CDH12: variants seen among roughly 807,000 people sequenced by gnomAD.
CDH12 encodes cadherin 12.
Under a neutral mutation model 74.1 loss-of-function variants are expected in CDH12, and 41 were observed. The observed-to-expected ratio is 0.55, with a 90% confidence interval of 0.43 to 0.72. CDH12 has a LOEUF of 0.72. CDH12 is among the 30% of genes least tolerant of loss of function. The probability of loss-of-function intolerance (pLI) is 0.00; values close to 1 mark genes in which losing one functional copy is unlikely to be tolerated. For missense variants in CDH12, 945 were observed against 977.2 expected (o/e 0.97, Z 0.44); for synonymous variants, 399 against 355.0 (o/e 1.12, Z -1.39).
chr5:22,246,385 A>G (rs1489775146), intron 3 of CDH12, among the ~76,000 whole-genome samples: 1 of 152,146 alleles, frequency 6.6e-6, no homozygotes, highest in Non-Finnish European at 1.5e-5. Context: ...AGTCACAAAA[A>G]TTTCAAATAT....
chr5:22,393,265 C>T (rs73058168), intron 3 of CDH12, among the ~76,000 whole-genome samples: 2 of 151,906 alleles, frequency 1.3e-5, no homozygotes, highest in Admixed American at 6.6e-5. Flanking sequence ...AAAAAGGAAA[C>T]GTTAGAGTGA....
intron 1 of CDH12, among the ~76,000 whole-genome samples, chr5:22,819,244 G>A (rs1749546387): frequency 6.6e-6 from 1 of 152,044 alleles, no homozygotes; most frequent in Admixed American, 6.6e-5. Context: ...AAGTGATCCT[G>A]CTCAAGATGA....
chr5:22,753,881 T>C (rs1228446166), intron 1 of CDH12, among the ~76,000 whole-genome samples: 1 of 152,014 alleles, frequency 6.6e-6, no homozygotes, highest in East Asian at 1.9e-4. Context: ...ACCAAAGAAA[T>C]AAAAATCCCT....
chr5:22,496,870 C>G (rs1747124540), intron 2 of CDH12, among the ~76,000 whole-genome samples: 1 of 152,096 alleles, frequency 6.6e-6, no homozygotes, highest in Non-Finnish European at 1.5e-5. Flanking sequence ...GCCCCCGAGC[C>G]TAGTTCTTGG....
At chr5:22,273,317 T>C (rs1736488708) in intron 3 of CDH12, among the ~76,000 whole-genome samples, 1 of 152,162 alleles carries the variant, frequency 6.6e-6, no homozygotes, top group Non-Finnish European at 1.5e-5. Flanking sequence ...AATGAGCCCA[T>C]GATGTTGGAA....
At chr5:22,189,677 C>G (rs907135190) in intron 4 of CDH12, among the ~76,000 whole-genome samples, 12 of 152,170 alleles carry the variant, frequency 7.9e-5, no homozygotes, top group African/African-American at 2.9e-4. Flanking sequence ...AAATTTGCAG[C>G]TAGCCCATTT....
chr5:21,978,833 TATA>T (rs1442277105), intron 5 of CDH12, among the ~76,000 whole-genome samples: 2 of 152,158 alleles, frequency 1.3e-5, no homozygotes, highest in African/African-American at 4.8e-5. Context: ...AGACTAAAGC[TATA>T]ATAATTTTTA....
intron 4 of CDH12, among the ~76,000 whole-genome samples, chr5:22,124,658 ATTAAT>A (rs1289364782): frequency 6.6e-6 from 1 of 152,114 alleles, no homozygotes; most frequent in Non-Finnish European, 1.5e-5. Context: ...ACATTTATTT[ATTAAT>A]TTATTTCAGT....
intron 8 of CDH12, among the ~76,000 whole-genome samples, chr5:21,817,819 GAAA>G (rs1748147298): frequency 3.1e-5 from 1 of 32,162 alleles, no homozygotes; most frequent in East Asian, 5.9e-4. Flanking sequence ...ATAGCATTAA[GAAA>G]GAAAAAAAAG....
intron 1 of CDH12, among the ~76,000 whole-genome samples, chr5:22,689,340 G>A (rs903617106): frequency 4.6e-5 from 7 of 152,070 alleles, no homozygotes; most frequent in South Asian, 2.1e-4. Flanking sequence ...CAGTAGAAAC[G>A]TGTATGCCAC....
At chr5:22,305,216 CAGG>C (rs1273392597) in intron 3 of CDH12, among the ~76,000 whole-genome samples, 2 of 152,138 alleles carry the variant, frequency 1.3e-5, no homozygotes, top group Admixed American at 1.3e-4. Context: ...CTTCCATCTG[CAGG>C]AGATAATCAT....
intron 2 of CDH12, among the ~76,000 whole-genome samples, chr5:22,420,002 TG>T (rs1345559135): frequency 2.0e-5 from 3 of 150,838 alleles, no homozygotes; most frequent in African/African-American, 4.9e-5. Context: ...GGTTTTTTTT[TG>T]TTTGTTTGTT....
At chr5:21,855,731 C>A (rs1344539393) in intron 6 of CDH12, among the ~76,000 whole-genome samples, 1 of 151,568 alleles carries the variant, frequency 6.6e-6, no homozygotes, top group African/African-American at 2.4e-5. Flanking sequence ...TGGAGGCACT[C>A]AAAGTAACTA....
At chr5:22,461,708 C>T (rs997165261) in intron 2 of CDH12, among the ~76,000 whole-genome samples, 1 of 151,524 alleles carries the variant, frequency 6.6e-6, no homozygotes, top group Admixed American at 6.6e-5. Flanking sequence ...ATTTACTTTG[C>T]CTCCAATTAT....
chr5:22,843,125 G>A (rs1294582489), intron 1 of CDH12, among the ~76,000 whole-genome samples: 1 of 151,942 alleles, frequency 6.6e-6, no homozygotes, highest in African/African-American at 2.4e-5. Context: ...ATATATCTTG[G>A]TGCTGCGTTA....
chr5:21,868,910 G>A (rs1172883701), intron 6 of CDH12, among the ~76,000 whole-genome samples: 1 of 152,124 alleles, frequency 6.6e-6, no homozygotes, highest in Admixed American at 6.5e-5. Flanking sequence ...GGCCAGGGTG[G>A]ATTATTGGCA....
intron 1 of CDH12, among the ~76,000 whole-genome samples, chr5:22,654,723 C>T (rs562489451): frequency 1.3e-5 from 2 of 151,966 alleles, no homozygotes; most frequent in Admixed American, 6.6e-5. Context: ...GCAACCCCTG[C>T]GTCCGGGTTC....
intron 5 of CDH12, among the ~76,000 whole-genome samples, chr5:22,005,448 A>G (rs983852658): frequency 6.6e-6 from 1 of 152,152 alleles, no homozygotes; most frequent in African/African-American, 2.4e-5. Flanking sequence ...ATAGCAGTGC[A>G]GGTGTCTTTT....
chr5:22,223,398 T>C (rs62350683), intron 3 of CDH12, among the ~76,000 whole-genome samples: 50,654 of 151,808 alleles, frequency 0.33, 10,001 homozygotes, highest in Admixed American at 0.46. Flanking sequence ...AAAAGATGTG[T>C]TTGATTTAGT....
Sources: gnomAD v4.1 joint callset for allele counts (sites outside exome capture counted in the v4.1 genomes callset) on GRCh38, gnomAD v4.1.1 for gene constraint, MANE v1.5 for transcripts, NCBI Gene and HGNC (gene_info 2026-07-23, HGNC 2026-07-21) for gene names.